The following ATP13A5 variants were observed in gnomAD, a reference collection of about 807,000 sequenced individuals.
The protein encoded by ATP13A5 is ATPase 13A5.
Under a neutral mutation model 150.2 loss-of-function variants are expected in ATP13A5, and 149 were observed. The ratio of observed to expected loss-of-function variants is 0.99; its 90% CI spans 0.87 to 1.14. The LOEUF is 1.14. Among genes scored for constraint, ATP13A5 ranks in the 50% most tolerant of loss-of-function variants. The pLI, the probability that ATP13A5 is intolerant of heterozygous loss-of-function variation, is 0.00. For synonymous variants in ATP13A5, 497 were observed against 522.2 expected, an observed-to-expected ratio of 0.95 and a Z score of 0.66; for missense variants, 1,383 against 1,449.3, an observed-to-expected ratio of 0.95 and a Z score of 0.74.
In ATP13A5 at chr3:193,364,132, G is replaced by C; in HGVS notation, c.212C>G (p.Ala71Gly). 6.2e-7 allele frequency: 1 copy of C among 1,614,048 alleles called. No individual in the cohort carries two copies. Among genetic ancestry groups the C allele is most frequent in the African/African-American group, 1.3e-5 (1 of 75,014 alleles). Reference protein sequence around the residue: ...ANCIPCPLQEADTVLLRTTDE... With the variant: ...ANCIPCPLQEGDTVLLRTTDE... ...TGTTGTCCTCAGCAAAACAGTGTCT[G>C]CTTCTTGCAAGGGGCATGGGATGCA... Residue 71 changes from alanine to glycine, a missense_variant, in exon 2 of 30, where the codon GCA (alanine) becomes GGA (glycine). Around this residue, in one of 3 missense-constraint regions of ATP13A5, gnomAD observed 787 missense variants for 771.9 expected, o/e 1.02. Transcript: ENST00000342358.
At chr3:193,370,663 CCTTTTA>C (rs1364171693) in intron 1 of ATP13A5, among the ~76,000 whole-genome samples, 1 of 152,100 alleles carries the variant, frequency 6.6e-6, no homozygotes, top group Admixed American at 6.5e-5. Flanking sequence ...ATCTTGAATC[CCTTTTA>C]CTTTTATCTA....
intron 21 of ATP13A5, among the ~76,000 whole-genome samples, chr3:193,310,105 A>G (rs1718785251): frequency 1.3e-5 from 2 of 152,126 alleles, no homozygotes; most frequent in South Asian, 4.1e-4. Flanking sequence ...TCCACTTGTA[A>G]GTGAGAACAC....
chr3:193,327,288 G>A (rs1719500409), intron 12 of ATP13A5, among the ~76,000 whole-genome samples: 1 of 152,172 alleles, frequency 6.6e-6, no homozygotes. Context: ...AGTTACTAAT[G>A]ATGAGGAAAA....
chr3:193,306,336 A>G (rs1236021860), intron 22 of ATP13A5, among the ~76,000 whole-genome samples: 1 of 152,014 alleles, frequency 6.6e-6, no homozygotes, highest in Non-Finnish European at 1.5e-5. Context: ...TGAACTCTTT[A>G]GGAGGCAGAG....
At position 193,338,720 on chromosome 3, in the gene ATP13A5, C is replaced by A. The variant is rs1173150519; in HGVS notation, c.944-3621G>T. ...TTTTTTTTGTTGTGTCTCTGCCAGG[C>A]TTTGGTATCAGGATGATGCTGGCCT... On this transcript the variant is annotated intron_variant, in intron 9 of 29. Transcript: ENST00000342358. Among the ~76,000 whole-genome samples, 4 of 152,036 alleles carry A rather than the reference C, an allele frequency of 2.6e-5. No homozygotes were observed. In the East Asian group the frequency reaches 7.7e-4, roughly 29 times the overall value.
At chr3:193,371,215 C>T (rs1713426925) in intron 1 of ATP13A5, among the ~76,000 whole-genome samples, 1 of 152,182 alleles carries the variant, frequency 6.6e-6, no homozygotes, top group South Asian at 2.1e-4. Context: ...AAAATAAGAG[C>T]ATTGTTAACC....
Position 193,335,063 on chromosome 3 carries a change from T to A in ATP13A5, c.980A>T (p.Gln327Leu). 3 of 1,613,912 alleles carry A rather than the reference T, an allele frequency of 1.9e-6. No homozygotes were observed. Among genetic ancestry groups the A allele is most frequent in the South Asian group, 2.2e-5 (2 of 91,070 alleles). ...SIPVTKTPLP[Q>L]MENTMPWKCH... ...TTTCCAAGGCATAGTGTTCTCCATC[T>A]GGGGCAATGGTGTCTTTGTAACAGG... The change falls in exon 10 of 30, where the codon CAG becomes CTG. Residue 327 changes from glutamine to leucine, a missense_variant. Physicochemically the swap from Gln to Leu is moderately radical, Grantham distance 113. Around this residue, in one of 3 missense-constraint regions of ATP13A5, gnomAD observed 787 missense variants for 771.9 expected, o/e 1.02. Transcript: ENST00000342358.
intron 5 of ATP13A5, among the ~76,000 whole-genome samples, chr3:193,360,330 A>G (rs1456286735): frequency 6.6e-6 from 1 of 152,238 alleles, no homozygotes. Context: ...GGGAGCCCAT[A>G]GAAAAAGTTT....
chr3:193,327,569 T>C (rs1207105883), intron 12 of ATP13A5, among the ~76,000 whole-genome samples: 4 of 152,182 alleles, frequency 2.6e-5, no homozygotes, highest in Non-Finnish European at 5.9e-5. Context: ...TTTGAGACTA[T>C]AGAGAGAAAG....
intron 27 of ATP13A5, among the ~76,000 whole-genome samples, chr3:193,280,262 C>T (rs1449553145): frequency 6.6e-6 from 1 of 152,050 alleles, no homozygotes; most frequent in Non-Finnish European, 1.5e-5. Flanking sequence ...ACCATATTGG[C>T]CAGGCTGGGC....
chr3:193,305,986 T>A (rs1362291225), intron 22 of ATP13A5, among the ~76,000 whole-genome samples: 1 of 151,972 alleles, frequency 6.6e-6, no homozygotes, highest in East Asian at 1.9e-4. Flanking sequence ...ATTCAAAAAC[T>A]CAATTAAAAA....
intron 12 of ATP13A5, 110 bp downstream of exon 12, chr3:193,331,013 C>T (rs938679102): frequency 1.1e-5 from 12 of 1,137,970 alleles, no homozygotes; most frequent in Admixed American, 4.2e-5. Flanking sequence ...CTGGCCTCAA[C>T]GTTCCTATCT....
chr3:193,302,344 A>G (rs761708438), intron 23 of ATP13A5, among the ~76,000 whole-genome samples: 3 of 152,198 alleles, frequency 2.0e-5, no homozygotes, highest in Non-Finnish European at 4.4e-5. Context: ...TTTGTTTTCA[A>G]CACTGAGGAT....
intron 25 of ATP13A5, among the ~76,000 whole-genome samples, chr3:193,298,422 A>AT (rs1560119687): frequency 6.6e-6 from 1 of 152,116 alleles, no homozygotes; most frequent in African/African-American, 2.4e-5. Flanking sequence ...TACATAAAAC[A>AT]TATCAGTTTT....
Position 193,362,551 on chromosome 3 carries a change from A to C in ATP13A5, c.455+16T>G, listed in dbSNP as rs767650162. 19 of 1,614,066 alleles carry C rather than the reference A, an allele frequency of 1.2e-5. No individual in the cohort carries two copies. The highest frequency in any genetic ancestry group is 1.4e-5 in the Non-Finnish European group (16 of 1,179,896). ...CCCTATATCCTGACCAAGGGGTGAC[A>C]AAACATTGTACTTACCCAACTTTCT... is the stretch of plus-strand genomic sequence containing the variant. On this transcript the variant is annotated intron_variant, in intron 4 of 29. Coordinates refer to ENST00000342358, the MANE Select transcript of ATP13A5 (RefSeq NM_198505.4).
At chr3:193,361,272 G>A (rs1712997401) in intron 5 of ATP13A5, among the ~76,000 whole-genome samples, 1 of 152,056 alleles carries the variant, frequency 6.6e-6, no homozygotes. Context: ...CATTTCTAAG[G>A]CATTTTGCAA....
intron 16 of ATP13A5, among the ~76,000 whole-genome samples, chr3:193,319,482 C>T (rs1425573604): frequency 6.6e-6 from 1 of 152,190 alleles, no homozygotes; most frequent in African/African-American, 2.4e-5. Context: ...CATCTCTCTC[C>T]ACCATGTGAG....
intron 9 of ATP13A5, among the ~76,000 whole-genome samples, chr3:193,335,842 C>T (rs1374268612): frequency 2.6e-5 from 4 of 152,152 alleles, no homozygotes; most frequent in African/African-American, 4.8e-5. Context: ...CTTGCATTTC[C>T]TTTTATTGGC....
chr3:193,343,806 G>T lies in ATP13A5; in HGVS notation c.943+121C>A, dbSNP rs1003467816. 4.4e-6 allele frequency: 5 copies of T among 1,142,668 alleles called. No homozygotes were observed. In the African/African-American group the frequency reaches 6.3e-5, roughly 14 times the overall value. The allele number at this position is 1,142,668 out of a possible 1,614,324, so 70.8% of individuals were successfully genotyped here. ...TGTCTCCATATAAATGCAAAGGCTGGCTGTGTCTCCCTCACCTATCTCTGA... is the reference window on the plus strand; with the variant it reads ...TGTCTCCATATAAATGCAAAGGCTGTCTGTGTCTCCCTCACCTATCTCTGA... On this transcript the variant is annotated intron_variant, in intron 9 of 29. Coordinates refer to ENST00000342358, the MANE Select transcript of ATP13A5 (RefSeq NM_198505.4).
Sources: gnomAD v4.1 joint callset for allele counts (sites outside exome capture counted in the v4.1 genomes callset) on GRCh38, gnomAD v4.1.1 for gene constraint, gnomAD v4.1.1 regional missense constraint, MANE v1.5 for transcripts, NCBI Gene and HGNC (gene_info 2026-07-23, HGNC 2026-07-21) for gene names.